The following SEMA3A variants were observed in gnomAD, a reference collection of about 807,000 sequenced individuals.
SEMA3A encodes semaphorin 3A.
In SEMA3A, 29 loss-of-function variants were observed where a neutral mutation model predicts 97.9. The ratio of observed to expected loss-of-function variants is 0.30; its 90% confidence interval spans 0.22 to 0.40. The LOEUF (loss-of-function observed/expected upper bound fraction) is 0.40, where lower values mean the gene tolerates loss of function less well. Among genes scored for constraint, SEMA3A ranks in the 10% least tolerant of loss-of-function variants. The pLI is 1.00. For synonymous variants in SEMA3A, 321 were observed against 323.7 expected, an observed-to-expected ratio of 0.99 and a Z score of 0.09; for missense variants, 763 against 951.3, an observed-to-expected ratio of 0.80 and a Z score of 2.60.
At chr7:83,998,846 G>T (rs62473920) in intron 12 of SEMA3A, among the ~76,000 whole-genome samples, 2 of 151,802 alleles carry the variant, frequency 1.3e-5, no homozygotes, top group African/African-American at 2.4e-5. Flanking sequence ...CACTAGCCTA[G>T]GCCTACACAG....
chr7:84,441,808 C>T (rs1215267253), intron 1 of SEMA3A, among the ~76,000 whole-genome samples: 1 of 152,116 alleles, frequency 6.6e-6, no homozygotes, highest in Non-Finnish European at 1.5e-5. Flanking sequence ...TGGTCCTACA[C>T]AAGACATCCT....
At chr7:84,073,172 G>A (rs1440112621) in intron 4 of SEMA3A, among the ~76,000 whole-genome samples, 2 of 152,084 alleles carry the variant, frequency 1.3e-5, no homozygotes, top group African/African-American at 2.4e-5. Context: ...AGTTCAGTGT[G>A]AGTACAGTGA....
chr7:84,243,300 A>G (rs1042748022), intron 3 of SEMA3A, among the ~76,000 whole-genome samples: 4 of 152,130 alleles, frequency 2.6e-5, no homozygotes, highest in African/African-American at 9.7e-5. Flanking sequence ...TTGGTAGGCT[A>G]TTAATTACTG....
intron 1 of SEMA3A, among the ~76,000 whole-genome samples, chr7:84,485,003 A>G (rs1056334069): frequency 3.9e-5 from 6 of 152,176 alleles, no homozygotes; most frequent in Non-Finnish European, 8.8e-5. Context: ...TGTATGCTTA[A>G]TCTTCTTTAG....
chr7:84,194,674 G>A lies in SEMA3A; in HGVS notation c.-88C>T, dbSNP rs1798163365. 1.3e-6 allele frequency: 1 copy of A among 792,918 alleles called. No individual in the cohort carries two copies. Among genetic ancestry groups the A allele is most frequent in the African/African-American group, 1.7e-5 (1 of 57,908 alleles). The allele number at this position is 792,918 out of a possible 1,614,324, so 49.1% of individuals were successfully genotyped here. On this transcript the variant is annotated 5_prime_UTR_variant, in exon 1 of 17. Coordinates refer to ENST00000265362, the MANE Select transcript of SEMA3A (RefSeq NM_006080.3). ...AAGTTCAAACAATCTGGAAACTGGA[G>A]GTAACAGGTGATTTAGGTCAGTTTC...
intron 1 of SEMA3A, among the ~76,000 whole-genome samples, chr7:84,165,489 G>GA (rs113018321): frequency 8.0e-5 from 12 of 149,904 alleles, no homozygotes; most frequent in South Asian, 4.2e-4. Context: ...CTGTTCTAGT[G>GA]AAAAAAAAAA....
chr7:84,223,807 A>C (rs954997415), intron 3 of SEMA3A, among the ~76,000 whole-genome samples: 6 of 151,884 alleles, frequency 4.0e-5, no homozygotes, highest in African/African-American at 1.4e-4. Flanking sequence ...ATAGTTTAGA[A>C]ATAAAATGGA....
At position 84,135,042 on chromosome 7, in the gene SEMA3A, T is replaced by G. The variant is rs567163155; in HGVS notation, c.113-91A>C. On this transcript the variant is annotated intron_variant, in intron 1 of 16. Transcript: ENST00000265362. Reference sequence around the variant, plus strand: ...TACATGGTAACCTGACTATATTGACTGCTGTAGTTATCAATCAGTGCTTAT... The same window carrying G: ...TACATGGTAACCTGACTATATTGACGGCTGTAGTTATCAATCAGTGCTTAT... The G allele has an allele frequency of 2.9e-4, 270 of 942,730 alleles. 4 individuals are homozygous for G. In the South Asian group the frequency reaches 4.6e-3, roughly 16 times the overall value. 58.4% of individuals were successfully genotyped at this position (942,730 alleles called of 1,614,324 possible).
intron 1 of SEMA3A, among the ~76,000 whole-genome samples, chr7:84,468,912 G>T (rs1237605423): frequency 6.6e-6 from 1 of 151,190 alleles, no homozygotes; most frequent in Non-Finnish European, 1.5e-5. Context: ...TTCAAGTATT[G>T]CTTGTGGTTA....
At chr7:84,054,469 G>A (rs986995408) in intron 5 of SEMA3A, among the ~76,000 whole-genome samples, 1 of 151,964 alleles carries the variant, frequency 6.6e-6, no homozygotes, top group Non-Finnish European at 1.5e-5. Context: ...TTCCATCGCT[G>A]ATACCCTTTC....
intron 1 of SEMA3A, among the ~76,000 whole-genome samples, chr7:84,444,075 G>A (rs747526357): frequency 5.3e-4 from 80 of 151,704 alleles, no homozygotes; most frequent in Non-Finnish European, 9.0e-4. Context: ...TAGTAGAAAT[G>A]GGGTTTCACC....
At chr7:83,971,569 A>G (rs1439776206) in intron 15 of SEMA3A, among the ~76,000 whole-genome samples, 1 of 152,152 alleles carries the variant, frequency 6.6e-6, no homozygotes, top group Non-Finnish European at 1.5e-5. Flanking sequence ...ATGTCTTTCC[A>G]ATGTCTAGTA....
At chr7:84,150,870 T>C (rs1054548787) in intron 1 of SEMA3A, among the ~76,000 whole-genome samples, 13 of 151,542 alleles carry the variant, frequency 8.6e-5, no homozygotes, top group Middle Eastern at 3.4e-3. Flanking sequence ...GCAGTGGTTC[T>C]CCCAGCACGC....
intron 3 of SEMA3A, among the ~76,000 whole-genome samples, chr7:84,204,334 G>T (rs1452212325): frequency 6.6e-6 from 1 of 152,156 alleles, no homozygotes; most frequent in Admixed American, 6.5e-5. Flanking sequence ...CTAGAAAGCA[G>T]TTGATCACCC....
intron 1 of SEMA3A, among the ~76,000 whole-genome samples, chr7:84,456,266 A>G (rs1038555590): frequency 1.3e-5 from 2 of 151,938 alleles, no homozygotes; most frequent in African/African-American, 4.8e-5. Flanking sequence ...GGATGCTTCA[A>G]ATCAAGTCGA....
At chr7:84,219,875 G>A (rs944323006) in intron 3 of SEMA3A, among the ~76,000 whole-genome samples, 1 of 152,158 alleles carries the variant, frequency 6.6e-6, no homozygotes, top group Non-Finnish European at 1.5e-5. Flanking sequence ...TTTTTCTGGT[G>A]AAGGGTCTTG....
At chr7:84,060,420 T>C in intron 5 of SEMA3A, 45 bp downstream of exon 5, 1 of 1,233,488 alleles carries the variant, frequency 8.1e-7, no homozygotes. Context: ...AACCTGTTTG[T>C]TATTTATAGA....
chr7:84,412,472 A>C (rs995730236), intron 1 of SEMA3A, among the ~76,000 whole-genome samples: 5 of 152,168 alleles, frequency 3.3e-5, no homozygotes, highest in African/African-American at 1.2e-4. Context: ...ATTCTGAGGC[A>C]ATTTATTAGT....
chr7:84,479,952 T>C (rs17159079), intron 1 of SEMA3A, among the ~76,000 whole-genome samples: 4,113 of 152,288 alleles, frequency 0.027, 175 homozygotes, highest in African/African-American at 0.092. Flanking sequence ...CTGAATCCAA[T>C]GCAAACTTTC....
Sources: gnomAD v4.1 joint callset for allele counts (sites outside exome capture counted in the v4.1 genomes callset) on GRCh38, gnomAD v4.1.1 for gene constraint, MANE v1.5 for transcripts, NCBI Gene and HGNC (gene_info 2026-07-23, HGNC 2026-07-21) for gene names.